The following SCHIP1 variants were observed in gnomAD, a reference collection of about 807,000 sequenced individuals.
SCHIP1 encodes the protein schwannomin-interacting protein 1.
A neutral mutation model predicts 29.7 loss-of-function variants in SCHIP1; 8 were observed. That is an observed-to-expected ratio of 0.27 (90% CI 0.16 to 0.49). The LOEUF (loss-of-function observed/expected upper bound fraction) is 0.49, where lower values mean the gene tolerates loss of function less well. SCHIP1 is among the 20% of genes least tolerant of loss of function. The pLI is 0.99. For missense variants in SCHIP1, 193 were observed against 294.6 expected, an observed-to-expected ratio of 0.66 and a Z score of 2.52; for synonymous variants, 76 against 94.9, an observed-to-expected ratio of 0.80 and a Z score of 1.16.
chr3:159,645,126 C>G, the SCHIP1 span, among the ~76,000 whole-genome samples: 23,159 of 152,068 alleles, frequency 0.15, 4,845 homozygotes, highest in African/African-American at 0.47. Flanking sequence ...GGGAAGAAAA[C>G]GTCAATGTAG....
At chr3:159,504,458 C>G in the SCHIP1 span, among the ~76,000 whole-genome samples, 1 of 152,016 alleles carries the variant, frequency 6.6e-6, no homozygotes, top group Non-Finnish European at 1.5e-5. Flanking sequence ...ACTTAAAACA[C>G]CAGAAATGAT....
chr3:159,868,889 T>C (rs2109282537), intron 2 of SCHIP1, among the ~76,000 whole-genome samples: 1 of 152,206 alleles, frequency 6.6e-6, no homozygotes. Flanking sequence ...CCAACATGGT[T>C]GCAACAGATT....
chr3:159,691,705 T>C, the SCHIP1 span, among the ~76,000 whole-genome samples: 1 of 152,180 alleles, frequency 6.6e-6, no homozygotes, highest in East Asian at 1.9e-4. Context: ...CAATGGTCTT[T>C]ACATTTTGGT....
At chr3:159,870,041 A>G (rs1389188288) in intron 2 of SCHIP1, among the ~76,000 whole-genome samples, 3 of 151,956 alleles carry the variant, frequency 2.0e-5, no homozygotes, top group African/African-American at 2.4e-5. Flanking sequence ...CAGAAATGCA[A>G]TTAACTTTGT....
chr3:159,730,237 G>A, the SCHIP1 span, among the ~76,000 whole-genome samples: 3 of 152,298 alleles, frequency 2.0e-5, no homozygotes, highest in South Asian at 6.2e-4. Flanking sequence ...TGCTAAGACT[G>A]TAAATGCTGG....
the SCHIP1 span, among the ~76,000 whole-genome samples, chr3:159,555,613 C>G: frequency 3.3e-5 from 5 of 152,068 alleles, no homozygotes; most frequent in African/African-American, 9.7e-5. Context: ...TATGAATATA[C>G]TGGGAGTGGG....
At chr3:159,544,420 T>C in the SCHIP1 span, among the ~76,000 whole-genome samples, 1 of 152,014 alleles carries the variant, frequency 6.6e-6, no homozygotes, top group East Asian at 1.9e-4. Context: ...ATGCATATGT[T>C]CAGCTTTAGT....
chr3:159,664,790 C>T, the SCHIP1 span, among the ~76,000 whole-genome samples: 1 of 152,158 alleles, frequency 6.6e-6, no homozygotes, highest in East Asian at 1.9e-4. Context: ...GGAGAGAACA[C>T]CTATCTTGAT....
intron 2 of SCHIP1, among the ~76,000 whole-genome samples, chr3:159,879,544 G>T (rs187925262): frequency 1.3e-5 from 2 of 152,154 alleles, no homozygotes; most frequent in Admixed American, 1.3e-4. Flanking sequence ...AGATTACTTG[G>T]AAATTACTTG....
At chr3:159,586,415 C>A in the SCHIP1 span, among the ~76,000 whole-genome samples, 1 of 152,156 alleles carries the variant, frequency 6.6e-6, no homozygotes, top group Non-Finnish European at 1.5e-5. Flanking sequence ...AAACGCTATG[C>A]TTAGAATTGA....
At chr3:159,376,129 T>C in the SCHIP1 span, among the ~76,000 whole-genome samples, 1 of 148,736 alleles carries the variant, frequency 6.7e-6, no homozygotes. Context: ...CAAAAAGCCC[T>C]GTTAGGTAAC....
chr3:159,276,407 C>T, the SCHIP1 span, among the ~76,000 whole-genome samples: 1 of 152,146 alleles, frequency 6.6e-6, no homozygotes, highest in African/African-American at 2.4e-5. Flanking sequence ...TCTAACACTA[C>T]AAGGGGCACA....
chr3:159,734,839 G>A, the SCHIP1 span, among the ~76,000 whole-genome samples: 1 of 120,678 alleles, frequency 8.3e-6, no homozygotes, highest in African/African-American at 3.2e-5. Context: ...ACTGTTCCTT[G>A]GCAAAGGAAA....
the SCHIP1 span, among the ~76,000 whole-genome samples, chr3:159,787,228 C>A: frequency 6.6e-6 from 1 of 152,164 alleles, no homozygotes; most frequent in African/African-American, 2.4e-5. Flanking sequence ...AAAGTAGCTC[C>A]CATATGGACT....
chr3:159,288,391 A>G, the SCHIP1 span, among the ~76,000 whole-genome samples: 59 of 152,356 alleles, frequency 3.9e-4, no homozygotes, highest in Non-Finnish European at 7.5e-4. Flanking sequence ...ATGAAAATGA[A>G]TATTACCATT....
the SCHIP1 span, among the ~76,000 whole-genome samples, chr3:159,527,098 A>G: frequency 9.8e-3 from 1,493 of 152,314 alleles, 29 homozygotes; most frequent in African/African-American, 0.034. Flanking sequence ...CCTTTGGTTC[A>G]GATGCCCTCA....
At chr3:159,587,384 T>TAA in the SCHIP1 span, among the ~76,000 whole-genome samples, 277 of 146,088 alleles carry the variant, frequency 1.9e-3, 1 homozygote, top group African/African-American at 6.4e-3. Flanking sequence ...ACAATTGCTT[T>TAA]AAAAAAAAAA....
chr3:159,362,905 G>C, the SCHIP1 span, among the ~76,000 whole-genome samples: 2 of 152,148 alleles, frequency 1.3e-5, no homozygotes, highest in African/African-American at 4.8e-5. Flanking sequence ...CCCCACCCCT[G>C]GATCAGCAAT....
the SCHIP1 span, chr3:159,764,908 G>T: frequency 6.5e-7 from 1 of 1,537,230 alleles, no homozygotes; most frequent in Non-Finnish European, 8.7e-7. This position sits in a 1 kb window ranked among gnomAD's most constrained non-coding sequence, Gnocchi z 6.1. Flanking sequence ...CTGTTCCCGG[G>T]GCCCCCGCCG....
Sources: gnomAD v4.1 joint callset for allele counts (sites outside exome capture counted in the v4.1 genomes callset) on GRCh38, gnomAD v4.1.1 for gene constraint, Gnocchi (gnomAD v3.1) non-coding constraint, MANE v1.5 for transcripts, NCBI Gene and HGNC (gene_info 2026-07-23, HGNC 2026-07-21) for gene names.